Variants in KCNH1 observed in about 807,000 individuals in gnomAD.
The protein encoded by KCNH1 is potassium voltage-gated channel subfamily H member 1, also known as voltage-gated delayed rectifier potassium channel KCNH1.
Under a neutral mutation model 69.2 loss-of-function variants are expected in KCNH1, and 27 were observed. The ratio of observed to expected loss-of-function variants is 0.39; its 90% CI spans 0.29 to 0.54. The LOEUF (loss-of-function observed/expected upper bound fraction) is 0.54, where lower values mean the gene tolerates loss of function less well. KCNH1 is among the 20% of genes least tolerant of loss of function. The pLI, the probability that KCNH1 is intolerant of heterozygous loss-of-function variation, is 0.68. For missense variants in KCNH1, 798 were observed against 1,261.6 expected, an observed-to-expected ratio of 0.63 and a Z score of 5.57; for synonymous variants, 456 against 487.7, an observed-to-expected ratio of 0.93 and a Z score of 0.86.
At chr1:210,799,979 T>C (rs1301851660) in intron 8 of KCNH1, among the ~76,000 whole-genome samples, 1 of 152,226 alleles carries the variant, frequency 6.6e-6, no homozygotes, top group African/African-American at 2.4e-5. Context: ...TCATTTCTCC[T>C]ATAAAATGCA....
intron 7 of KCNH1, among the ~76,000 whole-genome samples, chr1:210,838,813 G>A (rs769383814): frequency 2.6e-5 from 4 of 152,094 alleles, no homozygotes; most frequent in Non-Finnish European, 5.9e-5. Flanking sequence ...TATGAAAAAA[G>A]CTCAACATCA....
intron 5 of KCNH1, among the ~76,000 whole-genome samples, chr1:211,022,319 A>C (rs560214155): frequency 5.9e-5 from 9 of 152,322 alleles, no homozygotes; most frequent in African/African-American, 2.2e-4. Flanking sequence ...ATATTCAAAA[A>C]TCAAATCAAA....
At chr1:210,909,960 C>T (rs1687194598) in intron 7 of KCNH1, among the ~76,000 whole-genome samples, 1 of 152,214 alleles carries the variant, frequency 6.6e-6, no homozygotes, top group South Asian at 2.1e-4. Context: ...AGTAACTTTT[C>T]TAAATTGAAG....
chr1:210,963,872 G>T (rs916266102), intron 6 of KCNH1, among the ~76,000 whole-genome samples: 3 of 152,112 alleles, frequency 2.0e-5, no homozygotes, highest in African/African-American at 7.2e-5. Context: ...CACTCTTCAG[G>T]ATATTATCCA....
chr1:210,920,426 T>A lies in KCNH1; in HGVS notation c.1033-357A>T, dbSNP rs553527436. ...CATCTCATGGAAATGAGATATTGCA[T>A]AATATGAAAAATTTTAAGGGTTGCA... is the stretch of plus-strand genomic sequence containing the variant. On this transcript the variant is annotated intron_variant, in intron 6 of 10. Transcript: ENST00000271751. Among the ~76,000 whole-genome samples, 47 of 152,282 alleles carry A rather than the reference T, an allele frequency of 3.1e-4. No individual in the cohort carries two copies. The East Asian group carries it at 7.7e-3, about 25-fold the overall frequency.
chr1:211,070,785 G>A (rs913053486), intron 5 of KCNH1, among the ~76,000 whole-genome samples: 2 of 148,416 alleles, frequency 1.3e-5, no homozygotes, highest in Admixed American at 6.9e-5. Context: ...TCATGCAATT[G>A]TTCTCCAGTC....
At position 210,958,955 on chromosome 1, in the gene KCNH1, T is replaced by G. The variant is rs542501954; in HGVS notation, c.1033-38886A>C. Among the ~76,000 whole-genome samples, 20 of 152,390 alleles carry G rather than the reference T, an allele frequency of 1.3e-4. No homozygotes were observed. In the East Asian group the frequency reaches 3.9e-3, roughly 29 times the overall value. On this transcript the variant is annotated intron_variant, in intron 6 of 10. Coordinates refer to ENST00000271751, the MANE Select transcript of KCNH1 (RefSeq NM_172362.3). Reference sequence around the variant, plus strand: ...TCTCCATCCAGCTTTGTTCCATTTCTGGCGAGGAGCTGCGATCCTTTGGAG... The same window carrying G: ...TCTCCATCCAGCTTTGTTCCATTTCGGGCGAGGAGCTGCGATCCTTTGGAG...
At chr1:211,081,845 G>A (rs867094389) in intron 5 of KCNH1, among the ~76,000 whole-genome samples, 24 of 152,228 alleles carry the variant, frequency 1.6e-4, no homozygotes, top group Middle Eastern at 6.8e-3. Flanking sequence ...GAGGGATAGC[G>A]TTAGGAGAAA....
chr1:210,737,621 A>G (rs755992352), intron 10 of KCNH1, among the ~76,000 whole-genome samples: 2 of 152,086 alleles, frequency 1.3e-5, no homozygotes, highest in Non-Finnish European at 2.9e-5. Context: ...TGAACTCTCA[A>G]TTCCTACATG....
Position 210,683,435 on chromosome 1 carries a change from G to T in KCNH1, c.2816C>A (p.Ala939Asp). 6.2e-7 allele frequency: 1 copy of T among 1,614,100 alleles called. No individual in the cohort carries two copies. Among genetic ancestry groups the T allele is most frequent in the Non-Finnish European group, 8.5e-7 (1 of 1,180,016 alleles). ...VRHELKEDIKALNAKMTNIEK... is the reference protein window; with the variant it reads ...VRHELKEDIKDLNAKMTNIEK... ...AATATTGGTCATTTTGGCGTTTAAG[G>T]CCTTGATGTCCTCCTTCAGCTCGTG... The change falls in exon 11 of 11, where the codon GCC becomes GAC. Residue 939 changes from alanine to aspartate, a missense_variant. Transcript: ENST00000271751. This position sits in a 1 kb window ranked among gnomAD's most constrained non-coding sequence, Gnocchi z 5.7.
Position 210,683,555 on chromosome 1 carries a change from C to T in KCNH1, c.2696G>A (p.Ser899Asn). The change falls in exon 11 of 11, where the codon AGT becomes AAT. Residue 899 changes from serine (S) to asparagine (N), a missense_variant. Ser to Asn is a conservative substitution (Grantham distance 46). This residue lies in a region of KCNH1 where 331 missense variants were observed against 363.2 expected (regional missense o/e 0.91). Coordinates refer to ENST00000271751, the MANE Select transcript of KCNH1 (RefSeq NM_172362.3). This position sits in a 1 kb window ranked among gnomAD's most constrained non-coding sequence, Gnocchi z 5.7. ...LRLDNVGEAR[S>N]PQDRSPILAE... ...CAGGATGGGACTCCGATCCTGGGGA[C>T]TCCTGGCCTCACCCACGTTGTCCAG... 6.2e-7 allele frequency: 1 copy of T among 1,614,130 alleles called. No individual in the cohort carries two copies.
At chr1:210,834,177 A>G (rs1685229592) in intron 7 of KCNH1, among the ~76,000 whole-genome samples, 2 of 151,976 alleles carry the variant, frequency 1.3e-5, no homozygotes, top group South Asian at 4.2e-4. Flanking sequence ...CAGTCATCCC[A>G]TTACTGGGTA....
At chr1:210,859,030 T>C in intron 7 of KCNH1, 1 of 513,690 alleles carries the variant, frequency 1.9e-6, no homozygotes, top group South Asian at 2.1e-5. Context: ...TCCCATCTCC[T>C]GGGGTTGTTG....
chr1:211,037,464 C>T (rs898181637), intron 5 of KCNH1, among the ~76,000 whole-genome samples: 60 of 149,634 alleles, frequency 4.0e-4, no homozygotes, highest in South Asian at 8.4e-4. Context: ...CAGGACTGTA[C>T]GCTCAAGTCC....
intron 9 of KCNH1, among the ~76,000 whole-genome samples, chr1:210,783,543 G>C (rs947645782): frequency 6.6e-6 from 1 of 152,156 alleles, no homozygotes; most frequent in Non-Finnish European, 1.5e-5. Flanking sequence ...GTGTAGAAGG[G>C]ATGTGTGCAA....
chr1:210,955,182 TG>T (rs1688144771), intron 6 of KCNH1, among the ~76,000 whole-genome samples: 1 of 152,210 alleles, frequency 6.6e-6, no homozygotes, highest in African/African-American at 2.4e-5. Context: ...TTCTTGTTTT[TG>T]TCAGGTATGT....
chr1:211,112,670 C>T (rs886530233), intron 1 of KCNH1, among the ~76,000 whole-genome samples: 11 of 152,042 alleles, frequency 7.2e-5, no homozygotes, highest in Admixed American at 6.5e-5. Context: ...TCACTACTAA[C>T]CCAAGCAAGC....
chr1:210,773,887 G>A (rs1178832664), intron 10 of KCNH1, among the ~76,000 whole-genome samples: 2 of 152,176 alleles, frequency 1.3e-5, no homozygotes, highest in East Asian at 3.9e-4. Flanking sequence ...GCACAATACT[G>A]GGTTTGATGA....
chr1:211,120,343 C>T (rs1269165155), intron 1 of KCNH1, among the ~76,000 whole-genome samples: 1 of 151,988 alleles, frequency 6.6e-6, no homozygotes, highest in Non-Finnish European at 1.5e-5. Flanking sequence ...GTGTATGCCA[C>T]CATGCCCAAC....
Sources: allele counts gnomAD v4.1 joint callset (sites outside exome capture counted in the v4.1 genomes callset), GRCh38; gene constraint gnomAD v4.1.1; regional missense constraint gnomAD v4.1.1; non-coding constraint Gnocchi (gnomAD v3.1); transcripts MANE v1.5; gene names NCBI Gene and HGNC (gene_info 2026-07-23, HGNC 2026-07-21).